The following MRAP2 variants were observed in gnomAD, a reference collection of about 807,000 sequenced individuals.
The protein encoded by MRAP2 is melanocortin-2 receptor accessory protein 2.
MRAP2 carries 20 observed loss-of-function variants against 17.4 expected under a neutral mutation model. The observed-to-expected ratio is 1.15, with a 90% CI of 0.81 to 1.67. The LOEUF is 1.67. Ranked by LOEUF, MRAP2 falls within the 40% of genes most tolerant of loss-of-function variation. The pLI is 0.00. For synonymous variants in MRAP2, 96 were observed against 88.4 expected (o/e 1.09, Z -0.48); for missense variants, 238 against 240.0 (o/e 0.99, Z 0.05).
At chr6:84,131,247 C>T in the MRAP2 span, among the ~76,000 whole-genome samples, 3 of 152,114 alleles carry the variant, frequency 2.0e-5, no homozygotes, top group Non-Finnish European at 4.4e-5. Flanking sequence ...CATTCTTTTG[C>T]ATTTGCTGAG....
chr6:84,045,254 C>T, intron 1 of MRAP2: 1 of 985,298 alleles, frequency 1.0e-6, no homozygotes, highest in Non-Finnish European at 1.2e-6. Flanking sequence ...GGACATCGGG[C>T]AGCCAAGATG....
the MRAP2 span, among the ~76,000 whole-genome samples, chr6:84,112,380 T>C: frequency 3.9e-5 from 6 of 152,218 alleles, no homozygotes; most frequent in African/African-American, 1.4e-4. Context: ...GATTTTCTAG[T>C]TAATTTGCAC....
At chr6:84,044,629 A>G (rs938757983) in intron 1 of MRAP2, among the ~76,000 whole-genome samples, 7 of 152,182 alleles carry the variant, frequency 4.6e-5, no homozygotes, top group African/African-American at 1.7e-4. Flanking sequence ...GGCTCCCCTG[A>G]TGCCTTTCTC....
the MRAP2 span, among the ~76,000 whole-genome samples, chr6:84,132,828 T>C: frequency 6.6e-6 from 1 of 152,120 alleles, no homozygotes; most frequent in Admixed American, 6.5e-5. Flanking sequence ...ATTACTGATC[T>C]TCTGAGGCCT....
intron 3 of MRAP2, among the ~76,000 whole-genome samples, chr6:84,083,614 A>G (rs1156363855): frequency 6.6e-6 from 1 of 152,136 alleles, no homozygotes; most frequent in African/African-American, 2.4e-5. Flanking sequence ...GTATGCTGAC[A>G]ATTTTGAAGA....
chr6:84,062,206 A>C, intron 2 of MRAP2: 1 of 673,984 alleles, frequency 1.5e-6, no homozygotes, highest in Non-Finnish European at 1.8e-6. Flanking sequence ...CTAGGTAAGC[A>C]AACTGAAAAC....
At chr6:84,096,437 T>C in the MRAP2 span, among the ~76,000 whole-genome samples, 2 of 152,166 alleles carry the variant, frequency 1.3e-5, no homozygotes, top group Non-Finnish European at 2.9e-5. Flanking sequence ...GTAAGTGTAG[T>C]ACAAGTTGGC....
chr6:84,100,288 G>A, the MRAP2 span, among the ~76,000 whole-genome samples: 5 of 151,874 alleles, frequency 3.3e-5, no homozygotes, highest in East Asian at 5.8e-4. Context: ...TTTGAGACAG[G>A]GTCTCACTCT....
chr6:84,128,819 T>C, the MRAP2 span, among the ~76,000 whole-genome samples: 1 of 152,102 alleles, frequency 6.6e-6, no homozygotes, highest in African/African-American at 2.4e-5. Context: ...ATTAGGTATT[T>C]CTCCTAATGC....
At chr6:84,109,803 C>T in the MRAP2 span, among the ~76,000 whole-genome samples, 1 of 151,356 alleles carries the variant, frequency 6.6e-6, no homozygotes, top group Non-Finnish European at 1.5e-5. Context: ...TCCCTGTGTC[C>T]ATGTGTTCTC....
chr6:84,089,206 C>G lies in MRAP2; in HGVS notation c.343C>G (p.Leu115Val), dbSNP rs368589399. 4.3e-5 allele frequency: 70 copies of G among 1,614,076 alleles called. 3 individuals carry two copies. The South Asian group carries it at 6.5e-4, about 15-fold the overall frequency. Residue 115 changes from leucine to valine, a missense_variant, in exon 4 of 4, where the codon CTC (leucine) becomes GTC (valine). Coordinates refer to ENST00000257776, the MANE Select transcript of MRAP2 (RefSeq NM_138409.4). ...SRQGNEESRS[L>V]FHCYINEVER... ...CCAAGGCAACGAGGAGTCCAGGTCT[C>G]TCTTTCACTGCTACATCAATGAGGT...
rs34220070 is a variant in MRAP2, at chr6:84,068,784, C to CTTTTT, written c.227+5812_227+5816dup. ...TAGTGTCTGGAAAGTTTGCTGAATT[C>CTTTTT]TTTTTTTTTTTTTTTTTTTTTTTTG... On this transcript the variant is annotated intron_variant, in intron 3 of 3. Transcript: ENST00000257776. Among the ~76,000 whole-genome samples, 27 of 55,200 alleles carry CTTTTT rather than the reference C, an allele frequency of 4.9e-4. 1 individual carries two copies. Among genetic ancestry groups the CTTTTT allele is most frequent in the African/African-American group, 1.1e-3 (14 of 12,354 alleles). The allele number at this position is 55,200 out of a possible 152,430, so 36.2% of individuals were successfully genotyped here. A position where few individuals can be genotyped will look rare whatever the true frequency, so the allele number is the denominator to read the frequency against.
the MRAP2 span, among the ~76,000 whole-genome samples, chr6:84,121,593 G>T: frequency 6.6e-6 from 1 of 152,016 alleles, no homozygotes; most frequent in Admixed American, 6.6e-5. Flanking sequence ...GTAGTGAGCC[G>T]AGATTACACC....
chr6:84,058,963 G>A (rs920223996), intron 2 of MRAP2, among the ~76,000 whole-genome samples: 5 of 152,178 alleles, frequency 3.3e-5, no homozygotes, highest in African/African-American at 9.7e-5. Context: ...GAAAAAATGA[G>A]AGGAGAGGAA....
the MRAP2 span, among the ~76,000 whole-genome samples, chr6:84,114,866 C>T: frequency 5.8e-4 from 89 of 152,280 alleles, 1 homozygote; most frequent in African/African-American, 2.0e-3. Flanking sequence ...GTTGGACATC[C>T]ACTGCAGACC....
At chr6:84,116,689 T>C in the MRAP2 span, among the ~76,000 whole-genome samples, 1 of 152,192 alleles carries the variant, frequency 6.6e-6, no homozygotes, top group South Asian at 2.1e-4. Flanking sequence ...TTTGGGTTTT[T>C]GACATGAAGC....
chr6:84,134,394 G>A, the MRAP2 span, among the ~76,000 whole-genome samples: 1 of 151,956 alleles, frequency 6.6e-6, no homozygotes, highest in Non-Finnish European at 1.5e-5. Context: ...ACTGTGGTAT[G>A]AAAAAAAACT....
intron 1 of MRAP2, among the ~76,000 whole-genome samples, chr6:84,042,711 C>T (rs1281149047): frequency 1.3e-5 from 2 of 152,194 alleles, no homozygotes; most frequent in African/African-American, 4.8e-5. Context: ...GCACCCCAAA[C>T]TCTGGTTTGC....
At chr6:84,049,153 G>A (rs542278488) in intron 1 of MRAP2, among the ~76,000 whole-genome samples, 29 of 152,232 alleles carry the variant, frequency 1.9e-4, no homozygotes, top group Admixed American at 4.6e-4. Context: ...GGCTGGGTGC[G>A]GTGGCTCATG....
Sources: gnomAD v4.1 joint callset for allele counts (sites outside exome capture counted in the v4.1 genomes callset) on GRCh38, gnomAD v4.1.1 for gene constraint, MANE v1.5 for transcripts, NCBI Gene and HGNC (gene_info 2026-07-23, HGNC 2026-07-21) for gene names.